The following RPF2 variants were observed in gnomAD, a reference collection of about 807,000 sequenced individuals.
The protein encoded by RPF2 is ribosome production factor 2 homolog, also known as brix domain containing 1.
RPF2 carries 21 observed loss-of-function variants against 38.9 expected under a neutral mutation model. That is an observed-to-expected ratio of 0.54 (90% confidence interval 0.38 to 0.78). The LOEUF is 0.78. RPF2 is among the 30% of genes least tolerant of loss of function. The pLI is 0.00. For synonymous variants in RPF2, 121 were observed against 126.2 expected, an observed-to-expected ratio of 0.96 and a Z score of 0.28; for missense variants, 314 against 358.1, an observed-to-expected ratio of 0.88 and a Z score of 0.99.
chr6:111,013,306 G>A (rs1219744375), intron 7 of RPF2, among the ~76,000 whole-genome samples: 1 of 152,170 alleles, frequency 6.6e-6, no homozygotes, highest in Non-Finnish European at 1.5e-5. Flanking sequence ...GTATTCATGT[G>A]TAAACAATAC....
At chr6:110,994,673 C>A (rs950745804) in intron 4 of RPF2, among the ~76,000 whole-genome samples, 1 of 149,572 alleles carries the variant, frequency 6.7e-6, no homozygotes, top group Non-Finnish European at 1.5e-5. Context: ...AATTTGACTA[C>A]CCCGTTCTAG....
chr6:110,989,375 G>A (rs1771578906), intron 3 of RPF2, among the ~76,000 whole-genome samples: 2 of 152,060 alleles, frequency 1.3e-5, no homozygotes, highest in South Asian at 4.1e-4. Context: ...TAACCGTAAT[G>A]CAATGATCAA....
At chr6:111,003,081 C>CG (rs1183562325) in intron 6 of RPF2, among the ~76,000 whole-genome samples, 1 of 103,952 alleles carries the variant, frequency 9.6e-6, no homozygotes, top group Non-Finnish European at 2.0e-5. Context: ...CATTTTTTAC[C>CG]CCCCCCCCTT....
chr6:111,017,000 G>T (rs1465881255), intron 8 of RPF2, among the ~76,000 whole-genome samples: 1 of 152,148 alleles, frequency 6.6e-6, no homozygotes, highest in Non-Finnish European at 1.5e-5. Flanking sequence ...CGGCTTGGGG[G>T]TAAGGTCATA....
intron 4 of RPF2, among the ~76,000 whole-genome samples, chr6:110,992,445 C>CTTTTTTT (rs56993092): frequency 7.1e-6 from 1 of 141,502 alleles, no homozygotes; most frequent in Non-Finnish European, 1.5e-5. Context: ...GATGTTTTTA[C>CTTTTTTT]TTTTTTTTTT....
At chr6:111,005,463 A>G (rs1347256209) in intron 6 of RPF2, among the ~76,000 whole-genome samples, 3 of 152,116 alleles carry the variant, frequency 2.0e-5, no homozygotes, top group Admixed American at 6.6e-5. Context: ...TTTTAATCAC[A>G]TCACATTCTA....
intron 5 of RPF2, among the ~76,000 whole-genome samples, chr6:110,999,172 T>C (rs1327687412): frequency 6.6e-6 from 1 of 152,086 alleles, no homozygotes; most frequent in African/African-American, 2.4e-5. Flanking sequence ...GCCTACTTAG[T>C]TGTAGATGCA....
chr6:111,014,485 C>T (rs4945870), intron 7 of RPF2, among the ~76,000 whole-genome samples: 126,654 of 152,170 alleles, frequency 0.83, 53,535 homozygotes, highest in East Asian at 1. Context: ...ACAAAAGATG[C>T]GTTCATCTGT....
Position 111,004,333 on chromosome 6 carries a change from C to T in RPF2, c.394-3705C>T, listed in dbSNP as rs537205421. Among the ~76,000 whole-genome samples the T allele has an allele frequency of 2.1e-4, 32 of 151,394 alleles. No individual in the cohort carries two copies. In the South Asian group the frequency reaches 6.5e-3, roughly 31 times the overall value. ...AAGTAGCTGGGATTACAGGCACACACCACCATATGCAGCTAATTTTTTGTA... is the reference window on the plus strand; with the variant it reads ...AAGTAGCTGGGATTACAGGCACACATCACCATATGCAGCTAATTTTTTGTA... On this transcript the variant is annotated intron_variant, in intron 6 of 9. Transcript: ENST00000441448.
chr6:111,020,622 A>G (rs1401375790), intron 8 of RPF2, among the ~76,000 whole-genome samples: 2 of 152,062 alleles, frequency 1.3e-5, no homozygotes, highest in Non-Finnish European at 2.9e-5. Context: ...GTACTTTGGG[A>G]GGCCAAGATG....
intron 7 of RPF2, among the ~76,000 whole-genome samples, chr6:111,009,330 A>C (rs549665471): frequency 6.6e-6 from 1 of 152,176 alleles, no homozygotes; most frequent in South Asian, 2.1e-4. Flanking sequence ...CTGGGATTGC[A>C]GGTGTGAGCC....
At position 111,015,801 on chromosome 6, in the gene RPF2, G is replaced by A; in HGVS notation, c.541G>A (p.Glu181Lys). 2.5e-6 allele frequency: 4 copies of A among 1,613,498 alleles called. No individual in the cohort carries two copies. Among genetic ancestry groups the A allele is most frequent in the Non-Finnish European group, 2.5e-6 (3 of 1,179,496 alleles). The change falls in exon 8 of 10, where the codon GAG (glutamate) becomes AAG (lysine). Residue 181 changes from glutamate (E) to lysine (K), a missense_variant. By Grantham distance (56) the Glu-to-Lys change is moderately conservative (BLOSUM62 1). Coordinates refer to ENST00000441448, the MANE Select transcript of RPF2 (RefSeq NM_032194.3). ...ATCAAATATCCGCCTGGCTGGATTAGAGTATGTTCTGCACTTCACTGCACT... is the reference window on the plus strand; with the variant it reads ...ATCAAATATCCGCCTGGCTGGATTAAAGTATGTTCTGCACTTCACTGCACT... The part of the protein sequence containing the change: ...TVSNIRLAGL[E>K]YVLHFTALNG...
chr6:110,982,276 C>G lies in RPF2; in HGVS notation c.23+147C>G, dbSNP rs577424796. The G allele has an allele frequency of 2.1e-4, 177 of 848,490 alleles. 1 individual carries two copies. In the East Asian group the frequency reaches 2.9e-3, roughly 14 times the overall value. 52.6% of individuals were successfully genotyped at this position (848,490 alleles called of 1,614,324 possible). The stretch of plus-strand genomic sequence containing the variant: ...ATCGATCACCAGCCCGGGTCCTCCT[C>G]AGCGCGAGCTGCTTGCCAGGAGACA... On this transcript the variant is annotated intron_variant, in intron 1 of 9. Coordinates refer to ENST00000441448, the MANE Select transcript of RPF2 (RefSeq NM_032194.3).
intron 8 of RPF2, among the ~76,000 whole-genome samples, chr6:111,019,172 G>A (rs1266885239): frequency 1.3e-5 from 2 of 152,174 alleles, no homozygotes; most frequent in African/African-American, 2.4e-5. Context: ...CACTTGAGGA[G>A]TTCAAGACCA....
chr6:111,003,447 T>C (rs9384779), intron 6 of RPF2, among the ~76,000 whole-genome samples: 53,988 of 151,884 alleles, frequency 0.36, 10,456 homozygotes, highest in East Asian at 0.75. Context: ...CCTACCACCA[T>C]GCCCAGCTAA....
At chr6:111,014,180 A>G (rs56820058) in intron 7 of RPF2, among the ~76,000 whole-genome samples, 22,757 of 149,328 alleles carry the variant, frequency 0.15, 1,944 homozygotes, top group South Asian at 0.33. Flanking sequence ...ACTGTCGCCC[A>G]GGCTGGAGTA....
rs1288884250 is a variant in RPF2 at position 111,009,749 on chromosome 6, T to G, written c.493+1612T>G. ...AGTGCAGTAGCTCAATCATGGCTCA[T>G]TGCAGCCTCAACCTCCCAGGCTCAA... On this transcript the variant is annotated intron_variant, in intron 7 of 9. Coordinates refer to ENST00000441448, the MANE Select transcript of RPF2 (RefSeq NM_032194.3). 2.0e-5 allele frequency among the ~76,000 whole-genome samples: 3 copies of G among 151,330 alleles called. No homozygotes were observed. In the East Asian group the frequency reaches 5.9e-4, roughly 30 times the overall value.
intron 7 of RPF2, among the ~76,000 whole-genome samples, chr6:111,012,040 A>G (rs890377810): frequency 6.7e-6 from 1 of 150,200 alleles, no homozygotes; most frequent in Non-Finnish European, 1.5e-5. Flanking sequence ...GGAGCAAGAA[A>G]TGTATGAAGG....
rs1447211804 is a variant in RPF2, at chr6:111,025,386, A to G, written c.742-17A>G. ...TAGTAGAAGGCCATTAAATATATAC[A>G]TATTCTTTTATCGTAGCCAAAGAAG... On this transcript the variant is annotated splice_polypyrimidine_tract_variant and intron_variant, in intron 9 of 9. Coordinates refer to ENST00000441448, the MANE Select transcript of RPF2 (RefSeq NM_032194.3). 1 of 1,539,924 alleles carries G rather than the reference A, an allele frequency of 6.5e-7. No individual in the cohort carries two copies. The highest frequency in any genetic ancestry group is 8.9e-7 in the Non-Finnish European group (1 of 1,120,414).
Sources: allele counts gnomAD v4.1 joint callset (sites outside exome capture counted in the v4.1 genomes callset), GRCh38; gene constraint gnomAD v4.1.1; transcripts MANE v1.5; gene names NCBI Gene and HGNC (gene_info 2026-07-23, HGNC 2026-07-21).